The following EYS variants were observed in gnomAD, a reference collection of about 807,000 sequenced individuals.
The protein encoded by EYS is EGF-like photoreceptor maintenance factor.
A neutral mutation model predicts 282.1 loss-of-function variants in EYS; 250 were observed. The ratio of observed to expected loss-of-function variants is 0.89; its 90% confidence interval spans 0.80 to 0.98. The LOEUF (loss-of-function observed/expected upper bound fraction) is 0.98, where lower values mean the gene tolerates loss of function less well. Ranked by LOEUF, EYS falls within the 50% of genes least tolerant of loss-of-function variation. The probability of loss-of-function intolerance (pLI) is 0.00; values close to 1 mark genes in which losing one functional copy is unlikely to be tolerated. For missense variants in EYS, 4,016 were observed against 3,709.0 expected (o/e 1.08, Z -2.15); for synonymous variants, 1,355 against 1,282.9 (o/e 1.06, Z -1.20).
At chr6:64,358,968 T>C (rs1001409181) in intron 29 of EYS, among the ~76,000 whole-genome samples, 1 of 151,714 alleles carries the variant, frequency 6.6e-6, no homozygotes, top group Non-Finnish European at 1.5e-5. Context: ...ATCCTATTTT[T>C]CCTATATTAC....
At chr6:65,229,562 A>T (rs1766715989) in intron 12 of EYS, among the ~76,000 whole-genome samples, 1 of 151,892 alleles carries the variant, frequency 6.6e-6, no homozygotes, top group African/African-American at 2.4e-5. Flanking sequence ...TCGGGAAATT[A>T]GACAGAAAGA....
intron 5 of EYS, among the ~76,000 whole-genome samples, chr6:65,477,599 G>T (rs1191443837): frequency 1.3e-5 from 2 of 152,108 alleles, no homozygotes; most frequent in African/African-American, 4.8e-5. Context: ...TACAAGGGAA[G>T]CCAATTGACG....
intron 37 of EYS, among the ~76,000 whole-genome samples, chr6:63,799,456 T>C (rs918653167): frequency 5.3e-5 from 8 of 152,104 alleles, no homozygotes; most frequent in Admixed American, 3.9e-4. Flanking sequence ...TTCACTACAA[T>C]CCGAATCAAT....
chr6:65,706,741 T>G (rs1769892236), intron 1 of EYS, among the ~76,000 whole-genome samples: 1 of 152,112 alleles, frequency 6.6e-6, no homozygotes, highest in South Asian at 2.1e-4. Context: ...TCATACAATT[T>G]CATTTGCAAT....
At chr6:64,685,123 G>A (rs1310666403) in intron 22 of EYS, among the ~76,000 whole-genome samples, 1 of 151,974 alleles carries the variant, frequency 6.6e-6, no homozygotes, top group Non-Finnish European at 1.5e-5. Flanking sequence ...AATTTGGCCT[G>A]ATTATAATAA....
chr6:65,397,049 A>C (rs1418612496), intron 7 of EYS, among the ~76,000 whole-genome samples: 2 of 151,708 alleles, frequency 1.3e-5, no homozygotes, highest in African/African-American at 4.8e-5. Flanking sequence ...TTTAAATCTC[A>C]TGTTCTAATC....
At chr6:64,555,447 T>C (rs567378090) in intron 26 of EYS, among the ~76,000 whole-genome samples, 2 of 152,038 alleles carry the variant, frequency 1.3e-5, no homozygotes, top group South Asian at 2.1e-4. Flanking sequence ...ACAGCGACTA[T>C]AGTTAATGCA....
chr6:63,865,912 A>C (rs1213001440), intron 35 of EYS, among the ~76,000 whole-genome samples: 1 of 152,172 alleles, frequency 6.6e-6, no homozygotes, highest in Non-Finnish European at 1.5e-5. Context: ...TGGGGTTGTA[A>C]GGCTTTGAGA....
chr6:63,995,956 A>G (rs968225404), intron 34 of EYS, among the ~76,000 whole-genome samples: 6 of 152,018 alleles, frequency 3.9e-5, no homozygotes, highest in Admixed American at 3.3e-4. Context: ...TCAATTTCTT[A>G]CCACAAAGAA....
intron 19 of EYS, among the ~76,000 whole-genome samples, chr6:64,874,036 A>G (rs886356517): frequency 6.6e-6 from 1 of 152,066 alleles, no homozygotes; most frequent in Non-Finnish European, 1.5e-5. Context: ...TTTGATTTTT[A>G]AGTGTCTTTA....
intron 19 of EYS, among the ~76,000 whole-genome samples, chr6:64,872,061 T>G (rs904346833): frequency 6.6e-6 from 1 of 152,176 alleles, no homozygotes; most frequent in East Asian, 1.9e-4. Context: ...TCTACTGTCC[T>G]CTGAAGTTAT....
At position 63,946,898 on chromosome 6, in the gene EYS, T is replaced by C. The variant is rs1582011322; in HGVS notation, c.7055+37485A>G. 2.6e-5 allele frequency among the ~76,000 whole-genome samples: 4 copies of C among 152,160 alleles called. 1 individual carries two copies. The South Asian group carries it at 8.3e-4, about 32-fold the overall frequency. ...GTGATGAATATCCCATTTACCCTGA[T>C]GTGATTATTACTGATGGTATGTATG... On this transcript the variant is annotated intron_variant, in intron 35 of 42. Transcript: ENST00000503581.
chr6:64,974,629 G>C (rs529818498), intron 14 of EYS, among the ~76,000 whole-genome samples: 2 of 151,822 alleles, frequency 1.3e-5, no homozygotes, highest in Non-Finnish European at 2.9e-5. Context: ...TTGCAGAACC[G>C]TCTCTATCTT....
At chr6:64,291,535 C>A (rs975407901) in intron 30 of EYS, among the ~76,000 whole-genome samples, 3 of 151,884 alleles carry the variant, frequency 2.0e-5, no homozygotes, top group African/African-American at 4.8e-5. Context: ...GCAGACAATG[C>A]ACAAAAATTT....
intron 14 of EYS, among the ~76,000 whole-genome samples, chr6:64,958,095 G>GTA (rs1236501967): frequency 1.3e-5 from 2 of 151,534 alleles, no homozygotes; most frequent in Non-Finnish European, 2.9e-5. Flanking sequence ...ATGTAATTCT[G>GTA]TATATATATC....
intron 12 of EYS, among the ~76,000 whole-genome samples, chr6:65,093,694 T>C (rs1434195337): frequency 1.3e-5 from 2 of 151,772 alleles, no homozygotes; most frequent in African/African-American, 4.8e-5. Context: ...CACAAGAAGA[T>C]GGCAAGGGAA....
At chr6:65,331,426 T>C (rs1769793575) in intron 11 of EYS, 1 of 771,998 alleles carries the variant, frequency 1.3e-6, no homozygotes, top group Admixed American at 6.3e-5. Flanking sequence ...TAACAGGTGG[T>C]ATCACACATA....
At chr6:65,700,588 G>A (rs773695556) in intron 1 of EYS, among the ~76,000 whole-genome samples, 9 of 151,956 alleles carry the variant, frequency 5.9e-5, no homozygotes, top group African/African-American at 9.7e-5. Flanking sequence ...CCTCTGGTGC[G>A]TAATATTGAG....
At chr6:65,070,442 C>CT (rs1422581789) in intron 12 of EYS, among the ~76,000 whole-genome samples, 3 of 151,832 alleles carry the variant, frequency 2.0e-5, no homozygotes, top group Non-Finnish European at 4.4e-5. Context: ...CATGCACTCA[C>CT]TGTTGGACTC....
Sources: gnomAD v4.1 joint callset for allele counts (sites outside exome capture counted in the v4.1 genomes callset) on GRCh38, gnomAD v4.1.1 for gene constraint, MANE v1.5 for transcripts, NCBI Gene and HGNC (gene_info 2026-07-23, HGNC 2026-07-21) for gene names.